TRAK1: variants seen among roughly 807,000 people sequenced by gnomAD.
TRAK1 encodes the protein trafficking kinesin protein 1, also known as trafficking kinesin-binding protein 1.
TRAK1 carries 33 observed loss-of-function variants against 92.1 expected under a neutral mutation model. The ratio of observed to expected loss-of-function variants is 0.36; its 90% CI spans 0.27 to 0.48. The LOEUF is 0.48. Among genes scored for constraint, TRAK1 ranks in the 20% least tolerant of loss-of-function variants. TRAK1 has a pLI of 0.99. For synonymous variants in TRAK1, 521 were observed against 517.3 expected (o/e 1.01, Z -0.10); for missense variants, 1,123 against 1,257.9 (o/e 0.89, Z 1.62).
Position 42,178,274 on chromosome 3 carries a change from C to T in TRAK1, c.363+1384C>T, listed in dbSNP as rs140372747. 3.7e-3 allele frequency among the ~76,000 whole-genome samples: 558 copies of T among 152,218 alleles called. 4 individuals carry two copies. The highest frequency in any genetic ancestry group is 0.013 in the African/African-American group (531 of 41,534). ...CTTTACTCTTCCTTGCAGCTGCCAC[C>T]GTCCATGCCCTCTGTGACCCGCTCA... On this transcript the variant is annotated intron_variant, in intron 3 of 15. Transcript: ENST00000327628.
At chr3:42,210,428 G>T in intron 14 of TRAK1, 5 of 1,281,822 alleles carry the variant, frequency 3.9e-6, no homozygotes, top group Non-Finnish European at 3.9e-6. Context: ...AAAAAAAAGT[G>T]GGCTTTTGGG....
chr3:42,157,898 G>A (rs1038232191), intron 2 of TRAK1, among the ~76,000 whole-genome samples: 3 of 152,124 alleles, frequency 2.0e-5, no homozygotes, highest in Admixed American at 6.5e-5. Flanking sequence ...ACCATTTGGG[G>A]AATCTTTTTG....
chr3:42,211,446 C>T (rs750578482), intron 14 of TRAK1: 41 of 985,286 alleles, frequency 4.2e-5, no homozygotes, highest in Admixed American at 3.1e-4. Context: ...TCTACACACT[C>T]GAAAAAGAGA....
chr3:42,193,024 G>A (rs1297084582), intron 7 of TRAK1, 51 bp from the exon 8 acceptor site: 1 of 1,606,146 alleles, frequency 6.2e-7, no homozygotes. Context: ...CTCTGGGTCT[G>A]CATGTGTGGT....
intron 2 of TRAK1, among the ~76,000 whole-genome samples, chr3:42,126,392 A>G (rs1205256997): frequency 6.6e-6 from 1 of 152,160 alleles, no homozygotes; most frequent in Non-Finnish European, 1.5e-5. Context: ...GCAGCAGCAA[A>G]CCAGTCATTC....
chr3:42,083,167 G>A (rs1412281644), upstream of TRAK1, among the ~76,000 whole-genome samples: 12 of 152,106 alleles, frequency 7.9e-5, no homozygotes, highest in South Asian at 1.5e-3. Context: ...CTTGAGCATC[G>A]TTATATTTTT....
At chr3:42,128,668 G>A (rs1001627615) in intron 2 of TRAK1, among the ~76,000 whole-genome samples, 24 of 152,286 alleles carry the variant, frequency 1.6e-4, no homozygotes, top group African/African-American at 4.6e-4. Flanking sequence ...ACACACATAG[G>A]CACAGTGGTA....
chr3:42,030,763 T>C (rs1323181822), intron 1 of TRAK1, among the ~76,000 whole-genome samples: 1 of 143,326 alleles, frequency 7.0e-6, no homozygotes. Context: ...GTCAGGCAGT[T>C]AGTAGGGACT....
intron 1 of TRAK1, among the ~76,000 whole-genome samples, chr3:42,098,781 T>C (rs1445647956): frequency 2.0e-5 from 3 of 152,162 alleles, no homozygotes; most frequent in Non-Finnish European, 4.4e-5. Context: ...GAGTCCACAG[T>C]GTACCCCTTG....
chr3:42,047,795 G>A (rs1702815306), intron 1 of TRAK1, among the ~76,000 whole-genome samples: 1 of 152,094 alleles, frequency 6.6e-6, no homozygotes, highest in African/African-American at 2.4e-5. Flanking sequence ...TGGTAGCAGG[G>A]AACATCTTGC....
At chr3:42,145,143 T>C (rs968352086) in intron 2 of TRAK1, among the ~76,000 whole-genome samples, 5 of 152,208 alleles carry the variant, frequency 3.3e-5, no homozygotes, top group Non-Finnish European at 7.3e-5. Flanking sequence ...TATTTTCTTC[T>C]AAAAAGATAT....
intron 1 of TRAK1, among the ~76,000 whole-genome samples, chr3:42,029,910 G>A (rs560266251): frequency 9.2e-5 from 14 of 152,128 alleles, no homozygotes; most frequent in African/African-American, 3.1e-4. Flanking sequence ...GGGGAGGCAC[G>A]ATTGGAAGTA....
chr3:42,072,022 C>T (rs1433803493), intron 1 of TRAK1, among the ~76,000 whole-genome samples: 2 of 152,168 alleles, frequency 1.3e-5, no homozygotes, highest in Non-Finnish European at 2.9e-5. Context: ...TCTGATTGGA[C>T]GTTACAGTGG....
At chr3:42,094,123 A>G (rs1188454701) in intron 1 of TRAK1, among the ~76,000 whole-genome samples, 1 of 152,204 alleles carries the variant, frequency 6.6e-6, no homozygotes, top group African/African-American at 2.4e-5. Context: ...CAGAGTGGCC[A>G]GGTATGGGCC....
At chr3:42,113,339 T>TCTACTC (rs1350932555) in intron 1 of TRAK1, among the ~76,000 whole-genome samples, 3 of 151,488 alleles carry the variant, frequency 2.0e-5, no homozygotes, top group Non-Finnish European at 2.9e-5. Context: ...TACTCTCTAC[T>TCTACTC]CTACTCCTAC....
At chr3:42,206,546 G>A (rs1174967869) in intron 13 of TRAK1, among the ~76,000 whole-genome samples, 2 of 152,210 alleles carry the variant, frequency 1.3e-5, no homozygotes, top group African/African-American at 4.8e-5. Context: ...TTCCCTTCCC[G>A]TACTCAAGTT....
chr3:42,169,146 C>CTT (rs61450430), intron 2 of TRAK1, among the ~76,000 whole-genome samples: 6,028 of 148,086 alleles, frequency 0.041, 424 homozygotes, highest in African/African-American at 0.14. Flanking sequence ...TTCTTTCTTT[C>CTT]TTTTTTTTTT....
intron 1 of TRAK1, among the ~76,000 whole-genome samples, chr3:42,117,636 C>T (rs1021605037): frequency 1.6e-4 from 25 of 152,168 alleles, no homozygotes; most frequent in African/African-American, 5.8e-4. Context: ...TCCCTGTTCT[C>T]CTGGGCTTAG....
intron 3 of TRAK1, among the ~76,000 whole-genome samples, chr3:42,184,342 C>T (rs1025773276): frequency 3.9e-5 from 6 of 152,226 alleles, no homozygotes; most frequent in South Asian, 2.1e-4. Context: ...GCCCAGCCCT[C>T]AGGTGGAGAG....
Sources: allele counts gnomAD v4.1 joint callset (sites outside exome capture counted in the v4.1 genomes callset), GRCh38; gene constraint gnomAD v4.1.1; transcripts MANE v1.5; gene names NCBI Gene and HGNC (gene_info 2026-07-23, HGNC 2026-07-21).